The following DNAH1 variants were observed in gnomAD, a reference collection of about 807,000 sequenced individuals.
DNAH1 encodes the protein dynein axonemal heavy chain 1, also known as axonemal beta dynein heavy chain 1.
In DNAH1, 327 loss-of-function variants were observed where a neutral mutation model predicts 484.3. That is an observed-to-expected ratio of 0.68 (90% CI 0.62 to 0.74). The LOEUF (loss-of-function observed/expected upper bound fraction) is 0.74, where lower values mean the gene tolerates loss of function less well. DNAH1 is among the 30% of genes least tolerant of loss of function. The pLI is 0.00. For missense variants in DNAH1, 5,052 were observed against 5,546.8 expected, an observed-to-expected ratio of 0.91 and a Z score of 2.83; for synonymous variants, 2,192 against 2,191.9, an observed-to-expected ratio of 1.00 and a Z score of 0.00.
Position 52,368,602 on chromosome 3 carries a change from T to A in DNAH1, c.5766-139T>A. On this transcript the variant is annotated intron_variant, in intron 36 of 77. Transcript: ENST00000420323. The surrounding 1 kb of genome is among the most constrained non-coding windows in gnomAD (Gnocchi z 4.4). ...GACACCAAAAAAATCCCACTTTTCC[T>A]ATTATAATTTTTAAAAGAACAAAGA... is the stretch of plus-strand genomic sequence containing the variant. 2 of 914,318 alleles carry A rather than the reference T, an allele frequency of 2.2e-6. No individual in the cohort carries two copies. The highest frequency in any genetic ancestry group is 1.7e-5 in the South Asian group (1 of 58,154). 56.6% of individuals were successfully genotyped at this position (914,318 alleles called of 1,614,324 possible).
chr3:52,368,738 C>A lies in DNAH1; in HGVS notation c.5766-3C>A. ...TCCAGCCCTCTCCTCCCTGGCGCTG[C>A]AGGACAGACGGGATATTCTCCTCGT... is the stretch of plus-strand genomic sequence containing the variant. On this transcript the variant is annotated splice_region_variant and splice_polypyrimidine_tract_variant and intron_variant, in intron 36 of 77. Coordinates refer to ENST00000420323, the MANE Select transcript of DNAH1 (RefSeq NM_015512.5). The surrounding 1 kb of genome is among the most constrained non-coding windows in gnomAD (Gnocchi z 4.4). The A allele has an allele frequency of 6.2e-7, 1 of 1,612,058 alleles. No homozygotes were observed. The highest frequency in any genetic ancestry group is 8.5e-7 in the Non-Finnish European group (1 of 1,178,874).
At chr3:52,314,125 T>A (rs1164514473), upstream of DNAH1, among the ~76,000 whole-genome samples, 1 of 152,128 alleles carries the variant, frequency 6.6e-6, no homozygotes, top group Non-Finnish European at 1.5e-5. Flanking sequence ...CAGGGCCAAG[T>A]TGATGAAGTC....
Position 52,366,801 on chromosome 3 carries a change from C to A in DNAH1, c.5679C>A (p.Tyr1893Ter). ...KGQPSISGGM[Y>*]EAVNYYVLNP... Reference sequence around the variant, plus strand: ...AGCCATCCATCAGTGGTGGCATGTACGAGGCTGTCAACTACTACGTGCTCA... The same window carrying A: ...AGCCATCCATCAGTGGTGGCATGTAAGAGGCTGTCAACTACTACGTGCTCA... Residue 1893 changes from tyrosine to a stop codon, truncating the protein, a stop_gained, in exon 36 of 78, where the codon TAC becomes TAA. Transcript: ENST00000420323. LOFTEE classifies it high-confidence loss of function. 2 of 1,613,904 alleles carry A rather than the reference C, an allele frequency of 1.2e-6. No homozygotes were observed. The highest frequency in any genetic ancestry group is 1.7e-6 in the Non-Finnish European group (2 of 1,179,856).
In DNAH1 at chr3:52,395,023, G is replaced by A. The variant is rs1217817694; in HGVS notation, c.10932G>A (p.Val3644=). ...TTACCAACGCCATGCAGGACTTTGTGGCCACCAACCTGGAGCCACGCTTCA... is the reference window on the plus strand; with the variant it reads ...TTACCAACGCCATGCAGGACTTTGTAGCCACCAACCTGGAGCCACGCTTCA... ...DKVTNAMQDF[V]ATNLEPRFIE... Residue 3644 remains valine (V), a synonymous_variant, in exon 68 of 78, where the codon GTG becomes GTA. Transcript: ENST00000420323. This position sits in a 1 kb window ranked among gnomAD's most constrained non-coding sequence, Gnocchi z 4.4. The A allele has an allele frequency of 1.2e-6, 2 of 1,611,124 alleles. No homozygotes were observed.
intron 34 of DNAH1, 78 bp from the exon 35 acceptor site, chr3:52,366,379 C>G: frequency 8.3e-7 from 1 of 1,206,720 alleles, no homozygotes; most frequent in Non-Finnish European, 1.2e-6. Context: ...GTGACTCACC[C>G]AAGGTCACAC....
At chr3:52,390,865 G>T (rs1270435554) in intron 60 of DNAH1, 70 bp from the exon 61 acceptor site, 2 of 1,543,664 alleles carry the variant, frequency 1.3e-6, no homozygotes, top group Non-Finnish European at 1.8e-6. Context: ...GAGGCCGGGA[G>T]ATGCTGATGC....
At chr3:52,374,627 G>C in intron 44 of DNAH1, 1 of 1,491,330 alleles carries the variant, frequency 6.7e-7, no homozygotes, top group Non-Finnish European at 9.4e-7. Flanking sequence ...AATACATCAT[G>C]AGTTTAATCA....
intron 2 of DNAH1, 128 bp from the exon 3 acceptor site, chr3:52,323,680 C>T (rs1701231311): frequency 3.2e-6 from 2 of 633,792 alleles, no homozygotes. Context: ...CTGGTTCTGC[C>T]CACTCCTGTG....
intron 8 of DNAH1, among the ~76,000 whole-genome samples, chr3:52,335,706 C>T (rs1018697059): frequency 2.0e-5 from 3 of 151,936 alleles, no homozygotes; most frequent in Admixed American, 6.6e-5. Flanking sequence ...GCAATCTCAG[C>T]TCACTGCAAC....
chr3:52,352,181 C>T, intron 17 of DNAH1, 78 bp downstream of exon 17: 1 of 1,516,554 alleles, frequency 6.6e-7, no homozygotes, highest in Non-Finnish European at 8.9e-7. Context: ...CCTGGCCTCA[C>T]TTCTTGCATT....
At chr3:52,374,666 C>T (rs150139223) in intron 44 of DNAH1, 1 of 1,450,536 alleles carries the variant, frequency 6.9e-7, no homozygotes, top group Non-Finnish European at 9.7e-7. Flanking sequence ...TTCTGCCCAT[C>T]ATGTTTCCTT....
chr3:52,343,702 T>C (rs1702031569), intron 8 of DNAH1, among the ~76,000 whole-genome samples: 1 of 152,006 alleles, frequency 6.6e-6, no homozygotes, highest in African/African-American at 2.4e-5. Flanking sequence ...ACTATTCAGA[T>C]GTGGCAGAGG....
intron 8 of DNAH1, among the ~76,000 whole-genome samples, chr3:52,337,195 A>G (rs1701770077): frequency 6.6e-6 from 1 of 152,068 alleles, no homozygotes; most frequent in African/African-American, 2.4e-5. Context: ...GGCAATTGTA[A>G]ATGGGATTGT....
intron 52 of DNAH1, among the ~76,000 whole-genome samples, 166 bp downstream of exon 52, chr3:52,384,197 C>A (rs1293191494): frequency 2.0e-5 from 3 of 152,220 alleles, no homozygotes; most frequent in Non-Finnish European, 4.4e-5. Flanking sequence ...TCTGTAAATG[C>A]GCAGAGCCAC....
Position 52,349,421 on chromosome 3 carries a change from G to GT in DNAH1, c.2526+2dup. ...GAACCTGCATAAGGAGGTGGATAGC[G>GT]TAAGTGCCCACCTGCCCCGCCTCAG... On this transcript the variant is annotated splice_donor_variant, in intron 14 of 77. Coordinates refer to ENST00000420323, the MANE Select transcript of DNAH1 (RefSeq NM_015512.5). LOFTEE classifies it high-confidence loss of function. The GT allele has an allele frequency of 6.2e-7, 1 of 1,613,232 alleles. No individual in the cohort carries two copies. The highest frequency in any genetic ancestry group is 8.5e-7 in the Non-Finnish European group (1 of 1,179,554).
chr3:52,349,946 G>A (rs1702302348), intron 14 of DNAH1, 43 bp from the exon 15 acceptor site: 1 of 1,566,690 alleles, frequency 6.4e-7, no homozygotes. Flanking sequence ...GGAAGGCAAG[G>A]GAGCAGCATG....
chr3:52,351,812 GC>G, intron 16 of DNAH1, 149 bp from the exon 17 acceptor site: 1 of 939,234 alleles, frequency 1.1e-6, no homozygotes, highest in Non-Finnish European at 1.6e-6. Context: ...CAGCTGTCTG[GC>G]CCCAGGTAGC....
chr3:52,358,429 G>T lies in DNAH1; in HGVS notation c.4087-129G>T. On this transcript the variant is annotated intron_variant, in intron 24 of 77. Coordinates refer to ENST00000420323, the MANE Select transcript of DNAH1 (RefSeq NM_015512.5). The surrounding 1 kb of genome is among the most constrained non-coding windows in gnomAD (Gnocchi z 4.2). The stretch of plus-strand genomic sequence containing the variant: ...AAGGCCCAGCCAAGATAGACTCTCG[G>T]GGGGACGGGAAGGCAGGGCTTTCTT... 1 of 1,043,276 alleles carries T rather than the reference G, an allele frequency of 9.6e-7. No homozygotes were observed. Among genetic ancestry groups the T allele is most frequent in the Non-Finnish European group, 1.4e-6 (1 of 737,424 alleles). 64.6% of individuals were successfully genotyped at this position (1,043,276 alleles called of 1,614,324 possible).
intron 8 of DNAH1, among the ~76,000 whole-genome samples, chr3:52,339,669 A>G (rs1701860564): frequency 6.6e-6 from 1 of 152,204 alleles, no homozygotes; most frequent in South Asian, 2.1e-4. Context: ...AAGCAAATGT[A>G]GACGGTGTTC....
Sources: gnomAD v4.1 joint callset for allele counts (sites outside exome capture counted in the v4.1 genomes callset) on GRCh38, gnomAD v4.1.1 for gene constraint, Gnocchi (gnomAD v3.1) non-coding constraint, MANE v1.5 for transcripts, NCBI Gene and HGNC (gene_info 2026-07-23, HGNC 2026-07-21) for gene names.